Variants in SPMIP2 observed in about 807,000 individuals in gnomAD.
SPMIP2 encodes protein SPMIP2.
the SPMIP2 span, chr4:158,895,760 A>T: frequency 6.2e-7 from 1 of 1,608,950 alleles, no homozygotes; most frequent in Admixed American, 1.7e-5. Flanking sequence ...TGCATCATGC[A>T]TCTTGAAGAT....
the SPMIP2 span, among the ~76,000 whole-genome samples, chr4:159,014,151 C>A: frequency 1.3e-5 from 2 of 152,160 alleles, no homozygotes; most frequent in African/African-American, 4.8e-5. Flanking sequence ...TTAAACCATT[C>A]ATGTTTTAAT....
the SPMIP2 span, chr4:159,026,355 T>C: frequency 1.4e-6 from 1 of 699,674 alleles, no homozygotes; most frequent in Non-Finnish European, 2.6e-6. Flanking sequence ...CTACAGCTCA[T>C]AGCAAAAAAA....
chr4:158,965,991 T>A, the SPMIP2 span, among the ~76,000 whole-genome samples: 4 of 152,256 alleles, frequency 2.6e-5, no homozygotes, highest in Non-Finnish European at 5.9e-5. Context: ...TGGCTAGAAC[T>A]GTGTAGTGCA....
At chr4:158,987,393 C>T in the SPMIP2 span, among the ~76,000 whole-genome samples, 943 of 152,104 alleles carry the variant, frequency 6.2e-3, 3 homozygotes, top group Non-Finnish European at 9.9e-3. Context: ...AAATGTCCAA[C>T]AATGATAGAC....
chr4:159,057,390 A>C, the SPMIP2 span, among the ~76,000 whole-genome samples: 6 of 152,340 alleles, frequency 3.9e-5, no homozygotes, highest in Non-Finnish European at 8.8e-5. Context: ...CAGCAGCTAC[A>C]GTACATTTTT....
At chr4:158,929,799 A>T in the SPMIP2 span, among the ~76,000 whole-genome samples, 1 of 152,196 alleles carries the variant, frequency 6.6e-6, no homozygotes, top group Non-Finnish European at 1.5e-5. Flanking sequence ...TTTAAATCAC[A>T]TAGGAGAAAA....
At chr4:158,998,164 A>G in the SPMIP2 span, among the ~76,000 whole-genome samples, 2 of 152,196 alleles carry the variant, frequency 1.3e-5, no homozygotes, top group African/African-American at 2.4e-5. Context: ...AGAATTTTAT[A>G]TAGTTTTTAT....
chr4:158,908,635 C>T, the SPMIP2 span, among the ~76,000 whole-genome samples: 1 of 152,180 alleles, frequency 6.6e-6, no homozygotes, highest in Non-Finnish European at 1.5e-5. Context: ...ACATCTCTGT[C>T]AGTCTTCATT....
the SPMIP2 span, among the ~76,000 whole-genome samples, chr4:158,910,269 A>AT: frequency 7.8e-4 from 117 of 149,258 alleles, no homozygotes; most frequent in Non-Finnish European, 1.2e-3. Context: ...CTGTGCAGGT[A>AT]TTTTTTTTTT....
the SPMIP2 span, among the ~76,000 whole-genome samples, chr4:159,067,721 C>G: frequency 6.6e-6 from 1 of 152,076 alleles, no homozygotes; most frequent in African/African-American, 2.4e-5. Flanking sequence ...AGTGAACAGG[C>G]AACCTACAGA....
chr4:159,023,312 C>T, the SPMIP2 span, among the ~76,000 whole-genome samples: 1 of 152,090 alleles, frequency 6.6e-6, no homozygotes, highest in Non-Finnish European at 1.5e-5. Flanking sequence ...ATTTGTGCTC[C>T]ACTTGGACCC....
chr4:158,930,112 C>T, the SPMIP2 span, among the ~76,000 whole-genome samples: 1 of 152,228 alleles, frequency 6.6e-6, no homozygotes, highest in East Asian at 1.9e-4. Context: ...TCTTTTAGCA[C>T]TTTGAATATG....
the SPMIP2 span, among the ~76,000 whole-genome samples, chr4:158,932,512 G>GT: frequency 2.6e-5 from 4 of 152,080 alleles, no homozygotes; most frequent in Non-Finnish European, 5.9e-5. Flanking sequence ...TAAAAATATA[G>GT]TTTTTGTCTG....
chr4:159,082,470 T>TATGTGTGC, the SPMIP2 span, among the ~76,000 whole-genome samples: 1 of 150,014 alleles, frequency 6.7e-6, no homozygotes, highest in Non-Finnish European at 1.5e-5. Context: ...TGTGTGTGTG[T>TATGTGTGC]GTGTGTGTGT....
chr4:158,945,944 C>T, the SPMIP2 span, among the ~76,000 whole-genome samples: 1 of 152,148 alleles, frequency 6.6e-6, no homozygotes, highest in Non-Finnish European at 1.5e-5. Flanking sequence ...TTGATTTCAT[C>T]ACCACAAATC....
the SPMIP2 span, among the ~76,000 whole-genome samples, chr4:158,922,671 T>C: frequency 7.9e-5 from 12 of 152,178 alleles, no homozygotes; most frequent in Admixed American, 7.2e-4. Flanking sequence ...ATTCAAAAGA[T>C]TATGCAATCA....
chr4:158,977,621 T>TTTTTTTC, the SPMIP2 span, among the ~76,000 whole-genome samples: 1 of 141,016 alleles, frequency 7.1e-6, no homozygotes, highest in Non-Finnish European at 1.5e-5. Context: ...TTTTTTTTTT[T>TTTTTTTC]TTTTTCTCTT....
At chr4:158,977,760 G>A in the SPMIP2 span, among the ~76,000 whole-genome samples, 3 of 151,954 alleles carry the variant, frequency 2.0e-5, no homozygotes, top group South Asian at 6.2e-4. Context: ...GACCACAGGC[G>A]CCCGCCACCA....
chr4:158,983,457 G>A, the SPMIP2 span, among the ~76,000 whole-genome samples: 1 of 151,822 alleles, frequency 6.6e-6, no homozygotes, highest in African/African-American at 2.4e-5. Flanking sequence ...GCTAACAGCG[G>A]ATCTCTCGGC....
Sources: gnomAD v4.1 joint callset for allele counts (sites outside exome capture counted in the v4.1 genomes callset) on GRCh38, gnomAD v4.1.1 for gene constraint, MANE v1.5 for transcripts, NCBI Gene and HGNC (gene_info 2026-07-23, HGNC 2026-07-21) for gene names.